EVC: variants seen among roughly 807,000 people sequenced by gnomAD.
EVC encodes the protein evC complex member EVC.
Under a neutral mutation model 118.9 loss-of-function variants are expected in EVC, and 116 were observed. The observed-to-expected ratio is 0.98, with a 90% CI of 0.84 to 1.14. The LOEUF (loss-of-function observed/expected upper bound fraction) is 1.14, where lower values mean the gene tolerates loss of function less well. Among genes scored for constraint, EVC ranks in the 50% most tolerant of loss-of-function variants. The pLI is 0.00. For missense variants in EVC, 1,401 were observed against 1,246.4 expected, an observed-to-expected ratio of 1.12 and a Z score of -1.87; for synonymous variants, 619 against 534.7, an observed-to-expected ratio of 1.16 and a Z score of -2.18.
intron 11 of EVC, among the ~76,000 whole-genome samples, chr4:5,757,442 G>C (rs1731338913): frequency 6.6e-6 from 1 of 152,238 alleles, no homozygotes; most frequent in African/African-American, 2.4e-5. Flanking sequence ...TCATGTCTCT[G>C]TTAACCTGCT....
At chr4:5,821,939 T>G in the EVC span, 1 of 1,182,060 alleles carries the variant, frequency 8.5e-7, no homozygotes, top group Non-Finnish European at 1.2e-6. This position sits in a 1 kb window ranked among gnomAD's most constrained non-coding sequence, Gnocchi z 4.4. Flanking sequence ...TGCCATGCAC[T>G]CCACTGGACC....
At chr4:5,733,211 G>T in intron 4 of EVC, 140 bp from the exon 5 acceptor site, 1 of 754,630 alleles carries the variant, frequency 1.3e-6, no homozygotes. Flanking sequence ...TGGAGTGAGC[G>T]TAAGGACCTC....
chr4:5,793,801 G>A (rs1282657622), intron 13 of EVC, 84 bp downstream of exon 13: 3 of 1,040,484 alleles, frequency 2.9e-6, no homozygotes, highest in East Asian at 2.6e-5. Context: ...TGTACAGTGG[G>A]CACGCTGACT....
chr4:5,805,488 C>G (rs17691305), intron 17 of EVC, among the ~76,000 whole-genome samples: 10,646 of 152,246 alleles, frequency 0.07, 562 homozygotes, highest in South Asian at 0.13. Context: ...CGAACTTGCC[C>G]TAACTTTCCA....
At chr4:5,827,733 G>GCACACACACACACACACACA in the EVC span, among the ~76,000 whole-genome samples, 79 of 138,330 alleles carry the variant, frequency 5.7e-4, no homozygotes, top group Middle Eastern at 3.4e-3. Flanking sequence ...ATGTGCGCGT[G>GCACACACACACACACACACA]CACACACACA....
At chr4:5,825,911 C>G in the EVC span, 7 of 503,846 alleles carry the variant, frequency 1.4e-5, no homozygotes, top group East Asian at 2.2e-4. This position sits in a 1 kb window ranked among gnomAD's most constrained non-coding sequence, Gnocchi z 4.4. Context: ...ACGCACACAC[C>G]ACGCACACGC....
chr4:5,745,897 G>A (rs1447742100), intron 7 of EVC, among the ~76,000 whole-genome samples: 1 of 152,206 alleles, frequency 6.6e-6, no homozygotes, highest in Non-Finnish European at 1.5e-5. Context: ...CAGGTGAACA[G>A]ATGAGGGCTT....
downstream of EVC, among the ~76,000 whole-genome samples, chr4:5,814,510 C>G (rs111887400): frequency 6.6e-6 from 1 of 152,172 alleles, no homozygotes; most frequent in African/African-American, 2.4e-5. Context: ...CCGCCCATCA[C>G]ATGTTCTCCA....
At chr4:5,807,993 C>T (rs966384859) in intron 17 of EVC, among the ~76,000 whole-genome samples, 15 of 152,198 alleles carry the variant, frequency 9.9e-5, no homozygotes, top group Non-Finnish European at 1.9e-4. Flanking sequence ...TCTAAACTCC[C>T]GTGTTGTAAA....
At chr4:5,736,721 A>G (rs2151965907) in intron 5 of EVC, among the ~76,000 whole-genome samples, 1 of 152,242 alleles carries the variant, frequency 6.6e-6, no homozygotes, top group South Asian at 2.1e-4. Context: ...GTTTGGGGAC[A>G]CCACATGCTG....
chr4:5,810,948 T>C lies in EVC; in HGVS notation c.2895-5T>C. ...TAACTGGCTGCCTTTCTTCTCTGTT[T>C]TAAGCAGCAAAAGGCTGAGTCAGCA... is the stretch of plus-strand genomic sequence containing the variant. On this transcript the variant is annotated splice_region_variant and splice_polypyrimidine_tract_variant and intron_variant, in intron 20 of 20. Transcript: ENST00000264956. 1 of 1,611,130 alleles carries C rather than the reference T, an allele frequency of 6.2e-7. No homozygotes were observed. Among genetic ancestry groups the C allele is most frequent in the Non-Finnish European group, 8.5e-7 (1 of 1,178,490 alleles).
Position 5,721,946 on chromosome 4 carries a change from G to C in EVC, c.300+2573G>C, listed in dbSNP as rs77688396. 5.3e-3 allele frequency among the ~76,000 whole-genome samples: 814 copies of C among 152,324 alleles called. 7 individuals are homozygous for C. The highest frequency in any genetic ancestry group is 0.019 in the African/African-American group (774 of 41,572). ...GAGAACTATGAAATAGTATACATGA[G>C]TGAACTGCAGGGTGTGTGAATTAAA... On this transcript the variant is annotated intron_variant, in intron 2 of 20. Coordinates refer to ENST00000264956, the MANE Select transcript of EVC (RefSeq NM_153717.3).
chr4:5,762,122 A>G (rs9996637), intron 11 of EVC, among the ~76,000 whole-genome samples: 45,174 of 124,392 alleles, frequency 0.36, 8,224 homozygotes, highest in East Asian at 0.45. Flanking sequence ...TCATTGTTCA[A>G]TTCCCACCTA....
chr4:5,778,408 C>T (rs1180562000), intron 11 of EVC, among the ~76,000 whole-genome samples: 4 of 151,572 alleles, frequency 2.6e-5, no homozygotes, highest in Non-Finnish European at 4.4e-5. Context: ...CCTGAGGAAT[C>T]GCCACACTGA....
chr4:5,800,853 C>T (rs1714839258), intron 15 of EVC, among the ~76,000 whole-genome samples: 1 of 22,152 alleles, frequency 4.5e-5, no homozygotes, highest in African/African-American at 1.4e-4. Context: ...CCGCAGCCTC[C>T]GCGCCGCGCC....
intron 11 of EVC, among the ~76,000 whole-genome samples, chr4:5,774,926 A>G (rs541304045): frequency 1.3e-5 from 2 of 152,300 alleles, no homozygotes; most frequent in African/African-American, 4.8e-5. Flanking sequence ...GGCCTGTCAG[A>G]CCATGTGACA....
At chr4:5,814,405 C>T (rs1717363473), downstream of EVC, 2 of 152,244 alleles carry the variant, frequency 1.3e-5, no homozygotes, top group African/African-American at 4.8e-5. Context: ...CCTGGCCAAC[C>T]AGGGGTCACG....
rs1019032244 is a variant in EVC at position 5,754,251 on chromosome 4, A to G, written c.1464+318A>G. ...TGGTGGCAATGGCGTGAAGGGAGCA[A>G]TGTGTGGCCCAGAGGGGACAAGCAT... On this transcript the variant is annotated intron_variant, in intron 10 of 20. Coordinates refer to ENST00000264956, the MANE Select transcript of EVC (RefSeq NM_153717.3). This position sits in a 1 kb window ranked among gnomAD's most constrained non-coding sequence, Gnocchi z 5.8. 3.3e-5 allele frequency among the ~76,000 whole-genome samples: 5 copies of G among 151,994 alleles called. No homozygotes were observed. The highest frequency in any genetic ancestry group is 7.3e-5 in the African/African-American group (3 of 41,290).
intron 13 of EVC, 90 bp downstream of exon 13, chr4:5,793,807 T>C (rs934154886): frequency 3.1e-6 from 3 of 964,454 alleles, no homozygotes; most frequent in Admixed American, 4.0e-5. Flanking sequence ...GTGGGCACGC[T>C]GACTGCCCCT....
Sources: allele counts gnomAD v4.1 joint callset (sites outside exome capture counted in the v4.1 genomes callset), GRCh38; gene constraint gnomAD v4.1.1; non-coding constraint Gnocchi (gnomAD v3.1); transcripts MANE v1.5; gene names NCBI Gene and HGNC (gene_info 2026-07-23, HGNC 2026-07-21).